NLN: variants seen among roughly 807,000 people sequenced by gnomAD.
The protein encoded by NLN is neurolysin.
A neutral mutation model predicts 79.9 loss-of-function variants in NLN; 64 were observed. That is an observed-to-expected ratio of 0.80 (90% CI 0.65 to 0.99). The LOEUF is 0.99. Among genes scored for constraint, NLN ranks in the 50% least tolerant of loss-of-function variants. The pLI, the probability that NLN is intolerant of heterozygous loss-of-function variation, is 0.00. For missense variants in NLN, 835 were observed against 858.7 expected, an observed-to-expected ratio of 0.97 and a Z score of 0.34; for synonymous variants, 267 against 296.6, an observed-to-expected ratio of 0.90 and a Z score of 1.02.
intron 9 of NLN, among the ~76,000 whole-genome samples, chr5:65,797,243 G>A (rs1349511189): frequency 2.6e-5 from 4 of 152,202 alleles, no homozygotes; most frequent in Middle Eastern, 3.2e-3. Context: ...TGTACATTAA[G>A]AGCGGTGATG....
chr5:65,743,090 A>G (rs1337285129), intron 1 of NLN, among the ~76,000 whole-genome samples: 1 of 152,248 alleles, frequency 6.6e-6, no homozygotes, highest in Non-Finnish European at 1.5e-5. Context: ...CTTACATTCT[A>G]GTAGAATTAC....
At chr5:65,755,951 C>G (rs938401284) in intron 1 of NLN, among the ~76,000 whole-genome samples, 1 of 152,196 alleles carries the variant, frequency 6.6e-6, no homozygotes, top group Non-Finnish European at 1.5e-5. Flanking sequence ...AGTTCTTCAC[C>G]TCTTCCTTAT....
At chr5:65,787,199 C>T (rs574313980) in intron 7 of NLN, among the ~76,000 whole-genome samples, 1 of 151,974 alleles carries the variant, frequency 6.6e-6, no homozygotes, top group Admixed American at 6.6e-5. Context: ...CCAGCCTGGG[C>T]AACATAGCAA....
chr5:65,753,322 A>G (rs1178059606), intron 1 of NLN, among the ~76,000 whole-genome samples: 3 of 152,218 alleles, frequency 2.0e-5, no homozygotes, highest in African/African-American at 7.2e-5. Context: ...AGGTCATCTT[A>G]TCAGTGAAAT....
At chr5:65,751,099 G>T (rs899933749) in intron 1 of NLN, among the ~76,000 whole-genome samples, 1 of 152,198 alleles carries the variant, frequency 6.6e-6, no homozygotes, top group Non-Finnish European at 1.5e-5. Flanking sequence ...GACCTCAAGA[G>T]CAGCTTGTAG....
intron 1 of NLN, among the ~76,000 whole-genome samples, chr5:65,749,637 A>G (rs1017374245): frequency 2.0e-5 from 3 of 152,200 alleles, no homozygotes; most frequent in Non-Finnish European, 4.4e-5. Flanking sequence ...TATGCTGTGA[A>G]AGGACACAGA....
At chr5:65,749,245 A>C (rs114441622) in intron 1 of NLN, among the ~76,000 whole-genome samples, 2,384 of 152,326 alleles carry the variant, frequency 0.016, 71 homozygotes, top group African/African-American at 0.054. Context: ...TTCTTTGGTG[A>C]ATATGAGAAA....
chr5:65,724,480 C>T (rs1473952264), intron 1 of NLN, among the ~76,000 whole-genome samples: 3 of 152,026 alleles, frequency 2.0e-5, no homozygotes, highest in African/African-American at 2.4e-5. Context: ...TTTGTTTATC[C>T]ATTTGTCAGT....
intron 12 of NLN, among the ~76,000 whole-genome samples, chr5:65,815,241 T>C (rs1760644888): frequency 6.6e-6 from 1 of 152,228 alleles, no homozygotes; most frequent in South Asian, 2.1e-4. Flanking sequence ...ACCTTTTCTC[T>C]TCCAGCTGTC....
At chr5:65,802,974 G>A (rs1760322488) in intron 9 of NLN, among the ~76,000 whole-genome samples, 1 of 152,140 alleles carries the variant, frequency 6.6e-6, no homozygotes, top group African/African-American at 2.4e-5. Context: ...TCGTCCCGAT[G>A]TCTGCTCAGC....
At chr5:65,731,741 T>TC (rs1184503371) in intron 1 of NLN, among the ~76,000 whole-genome samples, 2 of 124,446 alleles carry the variant, frequency 1.6e-5, no homozygotes, top group Non-Finnish European at 1.7e-5. Context: ...ACCTACATTT[T>TC]CTTTTTTTTT....
intron 1 of NLN, among the ~76,000 whole-genome samples, chr5:65,758,107 T>C (rs898329136): frequency 1.3e-4 from 20 of 151,934 alleles, no homozygotes; most frequent in Non-Finnish European, 8.8e-5. Flanking sequence ...TGGTGGTATG[T>C]CCCCTGTAGT....
chr5:65,755,484 A>G (rs1374250342), intron 1 of NLN, among the ~76,000 whole-genome samples: 6 of 152,128 alleles, frequency 3.9e-5, no homozygotes, highest in South Asian at 2.1e-4. Flanking sequence ...TCCTTTCCCA[A>G]TCTTTCATAA....
rs1418862929 is a variant in NLN, at chr5:65,828,997, C to G, written c.*6082C>G. On this transcript the variant is annotated 3_prime_UTR_variant, in exon 13 of 13. Coordinates refer to ENST00000380985, the MANE Select transcript of NLN (RefSeq NM_020726.5). ...CTGGGAACTGAGGATGGGAGATTAA[C>G]TGTTGTATATGACCATAGTAAAGCA... is the stretch of plus-strand genomic sequence containing the variant. 2.6e-5 allele frequency: 4 copies of G among 152,196 alleles called. No homozygotes were observed. The highest frequency in any genetic ancestry group is 9.7e-5 in the African/African-American group (4 of 41,450). 9.4% of individuals were successfully genotyped at this position (152,196 alleles called of 1,614,324 possible). A position where few individuals can be genotyped will look rare whatever the true frequency, so the allele number is the denominator to read the frequency against.
intron 8 of NLN, among the ~76,000 whole-genome samples, chr5:65,790,709 A>G (rs1364668224): frequency 6.6e-6 from 1 of 152,222 alleles, no homozygotes; most frequent in Non-Finnish European, 1.5e-5. Flanking sequence ...TGCTTTATGG[A>G]CTTACTTTCA....
At chr5:65,768,541 A>G (rs149687201) in intron 3 of NLN, among the ~76,000 whole-genome samples, 345 of 152,356 alleles carry the variant, frequency 2.3e-3, no homozygotes, top group African/African-American at 7.8e-3. Flanking sequence ...GCCACAGCCA[A>G]ATAATATCAG....
chr5:65,763,903 C>G (rs1475878548), intron 3 of NLN, among the ~76,000 whole-genome samples: 1 of 152,048 alleles, frequency 6.6e-6, no homozygotes, highest in African/African-American at 2.4e-5. Context: ...ATTTTTCATC[C>G]TATAATTGAT....
Position 65,823,812 on chromosome 5 carries a change from A to G in NLN, c.*897A>G, listed in dbSNP as rs1250488825. Reference sequence around the variant, plus strand: ...AAAAGTGTCAGGTAGACATGTCACAAATGGCTCTGTAGAGAGCCATGGGAA... The same window carrying G: ...AAAAGTGTCAGGTAGACATGTCACAGATGGCTCTGTAGAGAGCCATGGGAA... On this transcript the variant is annotated 3_prime_UTR_variant, in exon 13 of 13. Transcript: ENST00000380985. 1.3e-5 allele frequency: 2 copies of G among 152,182 alleles called. No individual in the cohort carries two copies. The highest frequency in any genetic ancestry group is 2.9e-5 in the Non-Finnish European group (2 of 68,050). The allele number at this position is 152,182 out of a possible 1,614,324, so 9.4% of individuals were successfully genotyped here. A position where few individuals can be genotyped will look rare whatever the true frequency, so the allele number is the denominator to read the frequency against.
intron 4 of NLN, among the ~76,000 whole-genome samples, chr5:65,777,791 G>C (rs927610247): frequency 6.6e-6 from 1 of 152,060 alleles, no homozygotes; most frequent in Non-Finnish European, 1.5e-5. Flanking sequence ...CAAGCATTTC[G>C]GATAAGGGAT....
Sources: gnomAD v4.1 joint callset for allele counts (sites outside exome capture counted in the v4.1 genomes callset) on GRCh38, gnomAD v4.1.1 for gene constraint, MANE v1.5 for transcripts, NCBI Gene and HGNC (gene_info 2026-07-23, HGNC 2026-07-21) for gene names.